The following TFB1M variants were observed in gnomAD, a reference collection of about 807,000 sequenced individuals.
The protein encoded by TFB1M is transcription factor B1, mitochondrial, also known as dimethyladenosine transferase 1, mitochondrial.
In TFB1M, 27 loss-of-function variants were observed where a neutral mutation model predicts 31.1. That is an observed-to-expected ratio of 0.87 (90% CI 0.64 to 1.20). The LOEUF (loss-of-function observed/expected upper bound fraction) is 1.20. Ranked by LOEUF, TFB1M falls within the 50% of genes most tolerant of loss-of-function variation. The probability of loss-of-function intolerance (pLI) is 0.00; values close to 1 mark genes in which losing one functional copy is unlikely to be tolerated. For synonymous variants in TFB1M, 166 were observed against 151.8 expected (o/e 1.09, Z -0.69); for missense variants, 394 against 418.7 (o/e 0.94, Z 0.51).
At chr6:155,280,242 GGCC>G (rs1583337713) in intron 5 of TFB1M, among the ~76,000 whole-genome samples, 1 of 152,024 alleles carries the variant, frequency 6.6e-6, no homozygotes, top group East Asian at 1.9e-4. Context: ...GCTGTGTCTT[GGCC>G]AAGCTCCTTC....
At chr6:155,275,499 T>C in intron 5 of TFB1M, 1 of 507,702 alleles carries the variant, frequency 2.0e-6, no homozygotes, top group Non-Finnish European at 3.5e-6. Context: ...CATCCTCATC[T>C]GCTTGGGGGC....
At chr6:155,288,858 A>C (rs1422728724) in intron 4 of TFB1M, among the ~76,000 whole-genome samples, 1 of 152,262 alleles carries the variant, frequency 6.6e-6, no homozygotes, top group African/African-American at 2.4e-5. Flanking sequence ...TCAAATATAC[A>C]TTACTGTTTC....
At chr6:155,313,533 T>C (rs74410659) in intron 1 of TFB1M, among the ~76,000 whole-genome samples, 8,133 of 152,244 alleles carry the variant, frequency 0.053, 279 homozygotes, top group East Asian at 0.18. Context: ...CCTCATCTCA[T>C]AGAACATCAC....
At chr6:155,281,856 T>C (rs1449545535) in intron 5 of TFB1M, among the ~76,000 whole-genome samples, 1 of 148,502 alleles carries the variant, frequency 6.7e-6, no homozygotes, top group African/African-American at 2.5e-5. Flanking sequence ...ATCTAGCTAA[T>C]AGCTCAGTAT....
At chr6:155,251,237 CAA>C (rs1783637857), downstream of TFB1M, among the ~76,000 whole-genome samples, 2 of 152,216 alleles carry the variant, frequency 1.3e-5, no homozygotes, top group African/African-American at 4.8e-5. Flanking sequence ...TGGCTCAGGC[CAA>C]GTGTTACAGG....
intron 2 of TFB1M, among the ~76,000 whole-genome samples, chr6:155,300,291 A>G (rs1417374278): frequency 1.3e-5 from 2 of 152,202 alleles, no homozygotes; most frequent in African/African-American, 4.8e-5. Flanking sequence ...TAGCCATGGT[A>G]GTTTAGCAAA....
intron 5 of TFB1M, chr6:155,276,693 C>G: frequency 1.2e-5 from 3 of 244,578 alleles, no homozygotes; most frequent in South Asian, 1.5e-4. Context: ...ACCTTTCAAA[C>G]TGGATTTTAT....
At chr6:155,290,193 T>A (rs1391579045) in intron 4 of TFB1M, among the ~76,000 whole-genome samples, 1 of 151,936 alleles carries the variant, frequency 6.6e-6, no homozygotes, top group Non-Finnish European at 1.5e-5. Flanking sequence ...GAGACCATCC[T>A]GGCTAACATG....
At chr6:155,269,664 C>T (rs1432683889) in intron 5 of TFB1M, among the ~76,000 whole-genome samples, 1 of 152,122 alleles carries the variant, frequency 6.6e-6, no homozygotes, top group African/African-American at 2.4e-5. Flanking sequence ...CTAGGTTTGT[C>T]TTGAGAATTA....
chr6:155,248,399 T>A, the TFB1M span, among the ~76,000 whole-genome samples: 1 of 152,242 alleles, frequency 6.6e-6, no homozygotes, highest in Non-Finnish European at 1.5e-5. Flanking sequence ...TGGGTAGAAA[T>A]GATCTCATCC....
the TFB1M span, among the ~76,000 whole-genome samples, chr6:155,241,653 C>T: frequency 6.6e-6 from 1 of 152,174 alleles, no homozygotes; most frequent in African/African-American, 2.4e-5. Context: ...ACCTAAGGCC[C>T]TATTCACAGG....
At chr6:155,256,023 G>C (rs994425806), downstream of TFB1M, 2 of 198,110 alleles carry the variant, frequency 1.0e-5, no homozygotes, top group Non-Finnish European at 2.0e-5. Context: ...AAAAAAAGGG[G>C]GGGGGAGGGG....
At chr6:155,260,793 G>C (rs1784360314) in intron 5 of TFB1M, 1 of 334,588 alleles carries the variant, frequency 3.0e-6, no homozygotes, top group African/African-American at 2.1e-5. Context: ...TCAAGACACA[G>C]AGAGATGGCA....
intron 4 of TFB1M, among the ~76,000 whole-genome samples, chr6:155,286,470 T>C (rs1776631713): frequency 7.9e-6 from 1 of 126,950 alleles, no homozygotes; most frequent in South Asian, 2.3e-4. Flanking sequence ...GGGGACAAAA[T>C]ATATATATAT....
intron 4 of TFB1M, 34 bp from the exon 5 acceptor site, chr6:155,285,311 A>T (rs1267574504): frequency 6.2e-7 from 1 of 1,612,460 alleles, no homozygotes; most frequent in Non-Finnish European, 8.5e-7. Context: ...TTAGCAAATA[A>T]TTAGTCCAGC....
At chr6:155,304,853 T>G (rs981810231) in intron 2 of TFB1M, among the ~76,000 whole-genome samples, 1 of 151,578 alleles carries the variant, frequency 6.6e-6, no homozygotes, top group African/African-American at 2.4e-5. Context: ...CAGGTGGCTG[T>G]TGGTGAAACA....
chr6:155,256,617 G>C lies in TFB1M; in HGVS notation c.*1219C>G. Reference sequence around the variant, plus strand: ...GCACCCAGAGCAGCGGCTGCCCCACGGCTGAGGGCAGGCAGGACTCCAAGA... The same window carrying C: ...GCACCCAGAGCAGCGGCTGCCCCACCGCTGAGGGCAGGCAGGACTCCAAGA... On this transcript the variant is annotated 3_prime_UTR_variant, in exon 7 of 7. Transcript: ENST00000367166. 1.2e-6 allele frequency: 2 copies of C among 1,614,156 alleles called. No homozygotes were observed. Among genetic ancestry groups the C allele is most frequent in the Non-Finnish European group, 1.7e-6 (2 of 1,180,020 alleles).
chr6:155,284,353 A>T (rs6557416), intron 5 of TFB1M, among the ~76,000 whole-genome samples: 213 of 152,032 alleles, frequency 1.4e-3, no homozygotes, highest in African/African-American at 4.9e-3. Context: ...ACACTCTGCA[A>T]GACCTTATAT....
chr6:155,278,770 G>A (rs115048023), intron 5 of TFB1M, among the ~76,000 whole-genome samples: 1,534 of 152,262 alleles, frequency 0.01, 29 homozygotes, highest in African/African-American at 0.035. Context: ...TGGTTACACA[G>A]CATGCATTAC....
Sources: allele counts gnomAD v4.1 joint callset (sites outside exome capture counted in the v4.1 genomes callset), GRCh38; gene constraint gnomAD v4.1.1; transcripts MANE v1.5; gene names NCBI Gene and HGNC (gene_info 2026-07-23, HGNC 2026-07-21).